ADA2: variants seen among roughly 807,000 people sequenced by gnomAD.
ADA2 encodes adenosine deaminase CECR1.
Under a neutral mutation model 44.2 loss-of-function variants are expected in ADA2, and 29 were observed. The observed-to-expected ratio is 0.66, with a 90% confidence interval of 0.49 to 0.89. The LOEUF (loss-of-function observed/expected upper bound fraction) is 0.89. ADA2 is among the 40% of genes least tolerant of loss of function. The pLI is 0.00. For synonymous variants in ADA2, 215 were observed against 234.9 expected, an observed-to-expected ratio of 0.92 and a Z score of 0.77; for missense variants, 637 against 644.8, an observed-to-expected ratio of 0.99 and a Z score of 0.13.
At chr22:17,185,586 A>G (rs903240469) in intron 7 of ADA2, among the ~76,000 whole-genome samples, 1 of 152,130 alleles carries the variant, frequency 6.6e-6, no homozygotes, top group African/African-American at 2.4e-5. Flanking sequence ...TTTCACACAC[A>G]TAAGTATGAT....
intron 7 of ADA2, among the ~76,000 whole-genome samples, chr22:17,184,543 G>A (rs116122106): frequency 0.013 from 2,035 of 152,226 alleles, 44 homozygotes; most frequent in African/African-American, 0.047. Context: ...TGCTTCTTAC[G>A]TGAGATAACA....
At chr22:17,202,217 C>T (rs1004068899) in intron 4 of ADA2, among the ~76,000 whole-genome samples, 5 of 151,978 alleles carry the variant, frequency 3.3e-5, no homozygotes, top group African/African-American at 4.8e-5. Context: ...GCAACCTCCA[C>T]CTCCCAGGTT....
At chr22:17,206,404 CCAAGATCAGGCTGCT>C (rs2062354026) in intron 3 of ADA2, among the ~76,000 whole-genome samples, 8 of 25,562 alleles carry the variant, frequency 3.1e-4, no homozygotes. Context: ...CTGCTGTGAG[CCAAGATCAGGCTGCT>C]GTGAGCCAAG....
At chr22:17,195,762 T>A (rs2062182306) in intron 4 of ADA2, among the ~76,000 whole-genome samples, 1 of 112,848 alleles carries the variant, frequency 8.9e-6, no homozygotes. Flanking sequence ...ATTTCTTTCC[T>A]TTTTTTTTTT....
rs199684150 is a variant in ADA2, at chr22:17,210,607, G to GTT, written c.-46-886_-46-885dup. Among the ~76,000 whole-genome samples the GTT allele has an allele frequency of 1.5e-3, 224 of 151,352 alleles. 1 individual carries two copies. The highest frequency in any genetic ancestry group is 5.3e-3 in the African/African-American group (218 of 41,238). ...TTTTATTTTATTTATTTTAATTTTT[G>GTT]TTTTTTTTAAGACAGAGTCTTGCTC... On this transcript the variant is annotated intron_variant, in intron 1 of 9. Transcript: ENST00000399837.
At chr22:17,186,702 C>G (rs2062039797) in intron 7 of ADA2, among the ~76,000 whole-genome samples, 1 of 151,836 alleles carries the variant, frequency 6.6e-6, no homozygotes, top group Non-Finnish European at 1.5e-5. Context: ...AACCCCATCT[C>G]TACTAAAAAT....
At chr22:17,192,285 C>T (rs747543994) in intron 4 of ADA2, among the ~76,000 whole-genome samples, 2 of 152,016 alleles carry the variant, frequency 1.3e-5, no homozygotes, top group Admixed American at 6.6e-5. Flanking sequence ...ATGGCACACG[C>T]GAGGGTAGGT....
chr22:17,211,725 C>G (rs1256531174), intron 1 of ADA2, among the ~76,000 whole-genome samples: 2 of 151,952 alleles, frequency 1.3e-5, no homozygotes, highest in African/African-American at 2.4e-5. Flanking sequence ...GTCAAGAGAT[C>G]GAGAGCATCC....
At chr22:17,203,427 C>A in intron 4 of ADA2, 136 bp downstream of exon 4, 1 of 688,742 alleles carries the variant, frequency 1.5e-6, no homozygotes, top group Non-Finnish European at 2.5e-6. Context: ...TCATGTTGGC[C>A]CCTGGAAAGG....
intron 1 of ADA2, among the ~76,000 whole-genome samples, chr22:17,211,853 G>A (rs9606651): frequency 9.2e-5 from 14 of 151,566 alleles, no homozygotes; most frequent in African/African-American, 1.7e-4. Flanking sequence ...GCTTGAATCC[G>A]GGAGGCGGAG....
intron 4 of ADA2, chr22:17,199,450 C>CCTCTAT: frequency 2.2e-6 from 1 of 462,228 alleles, no homozygotes; most frequent in Non-Finnish European, 3.3e-6. Context: ...TTCCCCTCCA[C>CCTCTAT]CCACGAAGAT....
At chr22:17,198,421 A>T (rs2062221364) in intron 4 of ADA2, among the ~76,000 whole-genome samples, 1 of 152,190 alleles carries the variant, frequency 6.6e-6, no homozygotes, top group African/African-American at 2.4e-5. Context: ...GAGTCCTGTC[A>T]AAAAGGGAGC....
intron 7 of ADA2, among the ~76,000 whole-genome samples, chr22:17,183,196 G>A (rs1189635116): frequency 2.6e-5 from 4 of 151,890 alleles, no homozygotes; most frequent in African/African-American, 4.8e-5. Context: ...CAATTTTCCT[G>A]CCTCAGCCTC....
chr22:17,215,613 A>AG (rs1568992649), intron 1 of ADA2, among the ~76,000 whole-genome samples: 1 of 151,958 alleles, frequency 6.6e-6, no homozygotes, highest in African/African-American at 2.4e-5. Context: ...CTCAAAAAAA[A>AG]AAAAAGAAAA....
chr22:17,204,973 T>G (rs1216112724), intron 3 of ADA2, among the ~76,000 whole-genome samples: 1 of 151,938 alleles, frequency 6.6e-6, no homozygotes, highest in African/African-American at 2.4e-5. Context: ...TTTTTTATTT[T>G]TTGTTGAGAT....
chr22:17,219,625 T>G (rs2062506291), upstream of ADA2: 1 of 151,360 alleles, frequency 6.6e-6, no homozygotes, highest in African/African-American at 2.4e-5. Flanking sequence ...TGGGTGTTTG[T>G]GTGTTCGTGT....
chr22:17,188,886 T>TATATATATATATATATA (rs1491152456), intron 6 of ADA2, among the ~76,000 whole-genome samples: 33 of 59,570 alleles, frequency 5.5e-4, no homozygotes, highest in Non-Finnish European at 9.6e-4. Context: ...TATATATATA[T>TATATATATATATATATA]TTTGTAAAGA....
chr22:17,196,558 G>C (rs550090593), intron 4 of ADA2, among the ~76,000 whole-genome samples: 2 of 152,084 alleles, frequency 1.3e-5, no homozygotes, highest in Non-Finnish European at 2.9e-5. Context: ...ATAGGGTTCT[G>C]TCCTGACCTT....
At chr22:17,202,216 A>G (rs8137607) in intron 4 of ADA2, among the ~76,000 whole-genome samples, 13,264 of 149,848 alleles carry the variant, frequency 0.089, 646 homozygotes, top group Middle Eastern at 0.16. Flanking sequence ...TGCAACCTCC[A>G]CCTCCCAGGT....
Sources: gnomAD v4.1 joint callset for allele counts (sites outside exome capture counted in the v4.1 genomes callset) on GRCh38, gnomAD v4.1.1 for gene constraint, MANE v1.5 for transcripts, NCBI Gene and HGNC (gene_info 2026-07-23, HGNC 2026-07-21) for gene names.